RALYL: variants seen among roughly 807,000 people sequenced by gnomAD.
The protein encoded by RALYL is RALY RNA binding protein like.
Under a neutral mutation model 35.1 loss-of-function variants are expected in RALYL, and 29 were observed. The observed-to-expected ratio is 0.83, with a 90% CI of 0.61 to 1.13. RALYL has a LOEUF of 1.13. Among genes scored for constraint, RALYL ranks in the 50% most tolerant of loss-of-function variants. The probability of loss-of-function intolerance (pLI) is 0.00; values close to 1 mark genes in which losing one functional copy is unlikely to be tolerated. For missense variants in RALYL, 359 were observed against 360.4 expected (o/e 1.00, Z 0.03); for synonymous variants, 120 against 127.6 (o/e 0.94, Z 0.40).
At chr8:84,588,134 TG>T (rs1427789496) in intron 2 of RALYL, among the ~76,000 whole-genome samples, 1 of 152,130 alleles carries the variant, frequency 6.6e-6, no homozygotes, top group Non-Finnish European at 1.5e-5. Context: ...AGTGCTGGGC[TG>T]TAGAAATGTG....
intron 1 of RALYL, among the ~76,000 whole-genome samples, chr8:84,522,105 G>T (rs928093356): frequency 2.6e-5 from 4 of 151,778 alleles, no homozygotes; most frequent in African/African-American, 9.7e-5. Flanking sequence ...TCCATTTAGT[G>T]GTATTTTAAG....
At chr8:84,490,343 G>A (rs189489428) in intron 1 of RALYL, among the ~76,000 whole-genome samples, 22 of 152,098 alleles carry the variant, frequency 1.4e-4, no homozygotes, top group South Asian at 1.0e-3. Context: ...AATCCCTCAA[G>A]GGGCCATAGC....
intron 2 of RALYL, among the ~76,000 whole-genome samples, chr8:84,717,542 C>G (rs986418715): frequency 6.6e-6 from 1 of 152,046 alleles, no homozygotes. Flanking sequence ...CAGTAAGTTG[C>G]CCACATTGTT....
At chr8:84,526,038 G>A (rs944162593) in intron 1 of RALYL, among the ~76,000 whole-genome samples, 4 of 136,588 alleles carry the variant, frequency 2.9e-5, no homozygotes, top group African/African-American at 8.4e-5. Flanking sequence ...TGCAACCTCT[G>A]ACTCCCAACT....
intron 3 of RALYL, among the ~76,000 whole-genome samples, chr8:84,779,663 A>T (rs1441458760): frequency 6.6e-6 from 1 of 152,224 alleles, no homozygotes; most frequent in Non-Finnish European, 1.5e-5. Context: ...CCATTTTAAG[A>T]TCATCACAAT....
chr8:84,187,688 A>C (rs1292093144), intron 1 of RALYL, among the ~76,000 whole-genome samples: 1 of 152,134 alleles, frequency 6.6e-6, no homozygotes, highest in Non-Finnish European at 1.5e-5. Flanking sequence ...TGTTAATTAG[A>C]AAAATAATTT....
intron 3 of RALYL, among the ~76,000 whole-genome samples, chr8:84,784,877 A>G (rs771615284): frequency 2.6e-5 from 4 of 152,214 alleles, no homozygotes; most frequent in Admixed American, 1.3e-4. Flanking sequence ...TTAGAAGTTA[A>G]TTAACTGTTA....
At chr8:84,424,627 T>A in intron 1 of RALYL, among the ~76,000 whole-genome samples, 1 of 151,868 alleles carries the variant, frequency 6.6e-6, no homozygotes, top group Non-Finnish European at 1.5e-5. Context: ...AGAGACGCTC[T>A]GTGTTTTAGA....
chr8:84,318,951 A>C (rs1586241543), intron 1 of RALYL, among the ~76,000 whole-genome samples: 1 of 152,316 alleles, frequency 6.6e-6, no homozygotes, highest in East Asian at 1.9e-4. Flanking sequence ...CTGCCAACAC[A>C]TGCTGTGTTT....
chr8:84,351,475 A>G lies in RALYL; in HGVS notation c.-24+167051A>G, dbSNP rs1026559435. On this transcript the variant is annotated intron_variant, in intron 1 of 8. Coordinates refer to ENST00000521268, the MANE Select transcript of RALYL (RefSeq NM_173848.7). ...GTACAGAGGGACTTTTCCAGCTCCC[A>G]GGGGTGCATAAATTTCCTTTTTCTG... 1.4e-4 allele frequency among the ~76,000 whole-genome samples: 21 copies of G among 149,802 alleles called. 2 individuals are homozygous for G. Among genetic ancestry groups the G allele is most frequent in the African/African-American group, 4.7e-4 (19 of 40,154 alleles).
At chr8:84,844,079 C>G (rs538849363) in intron 4 of RALYL, among the ~76,000 whole-genome samples, 189 of 151,834 alleles carry the variant, frequency 1.2e-3, no homozygotes, top group African/African-American at 4.3e-3. Context: ...ATGTCTAAAA[C>G]ACCAAAAGCA....
intron 2 of RALYL, among the ~76,000 whole-genome samples, chr8:84,650,615 C>A (rs902303206): frequency 1.3e-5 from 2 of 152,024 alleles, no homozygotes; most frequent in African/African-American, 4.8e-5. Context: ...CACTTTTACA[C>A]TGTTGGTGGG....
chr8:84,215,682 C>G (rs890188339), intron 1 of RALYL, among the ~76,000 whole-genome samples: 1 of 151,962 alleles, frequency 6.6e-6, no homozygotes, highest in Non-Finnish European at 1.5e-5. Context: ...ATCTTAAATT[C>G]ATAAGCCAGT....
intron 1 of RALYL, among the ~76,000 whole-genome samples, chr8:84,229,737 G>A (rs1055717270): frequency 6.6e-6 from 1 of 152,132 alleles, no homozygotes; most frequent in Admixed American, 6.6e-5. Flanking sequence ...ATAGTTAGAA[G>A]TAACCTTGAG....
At chr8:84,715,310 G>A (rs569978537) in intron 2 of RALYL, among the ~76,000 whole-genome samples, 3 of 151,756 alleles carry the variant, frequency 2.0e-5, no homozygotes, top group African/African-American at 4.8e-5. Context: ...ATAGAATAAT[G>A]AAGTAATTTG....
chr8:84,794,545 G>A (rs1821478332), intron 3 of RALYL, among the ~76,000 whole-genome samples: 2 of 152,196 alleles, frequency 1.3e-5, no homozygotes, highest in African/African-American at 4.8e-5. Context: ...AAATAATTAA[G>A]TTTGAAAGTA....
chr8:84,800,526 T>C (rs922267658), intron 3 of RALYL, among the ~76,000 whole-genome samples: 6 of 152,342 alleles, frequency 3.9e-5, no homozygotes, highest in African/African-American at 1.2e-4. Flanking sequence ...CACTATGTCT[T>C]ACTCTTCTGA....
At chr8:84,881,919 A>G (rs1337826896) in intron 7 of RALYL, among the ~76,000 whole-genome samples, 1 of 151,992 alleles carries the variant, frequency 6.6e-6, no homozygotes, top group Admixed American at 6.6e-5. Context: ...TTATAAGATC[A>G]GAAATTTAAA....
Position 84,774,587 on chromosome 8 carries a change from A to G in RALYL, c.265A>G (p.Met89Val). Residue 89 changes from methionine (M) to valine (V), a missense_variant, in exon 3 of 9, where the codon ATG (methionine) becomes GTG (valine). By Grantham distance (21) the Met-to-Val change is conservative. Coordinates refer to ENST00000521268, the MANE Select transcript of RALYL (RefSeq NM_173848.7). ...TTATTTTATGCTTTCAGATATCAAC[A>G]TGGCAGGAGAGCCCAAACCATACAG... is the stretch of plus-strand genomic sequence containing the variant. The part of the protein sequence containing the change: ...VIAGQPLDIN[M>V]AGEPKPYRPK... 6.2e-7 allele frequency: 1 copy of G among 1,604,496 alleles called. No homozygotes were observed. The highest frequency in any genetic ancestry group is 8.5e-7 in the Non-Finnish European group (1 of 1,174,326).
Sources: gnomAD v4.1 joint callset for allele counts (sites outside exome capture counted in the v4.1 genomes callset) on GRCh38, gnomAD v4.1.1 for gene constraint, MANE v1.5 for transcripts, NCBI Gene and HGNC (gene_info 2026-07-23, HGNC 2026-07-21) for gene names.